Variants in TRIM62 observed in about 807,000 individuals in gnomAD.
TRIM62 encodes tripartite motif containing 62.
TRIM62 carries 39 observed loss-of-function variants against 44.2 expected under a neutral mutation model. The ratio of observed to expected loss-of-function variants is 0.88; its 90% CI spans 0.68 to 1.15. TRIM62 has a LOEUF of 1.15. Ranked by LOEUF, TRIM62 falls within the 50% of genes most tolerant of loss-of-function variation. TRIM62 has a pLI of 0.00. For missense variants in TRIM62, 544 were observed against 665.5 expected (o/e 0.82, Z 2.01); for synonymous variants, 278 against 292.3 (o/e 0.95, Z 0.50).
chr1:33,156,835 T>A (rs1186208085), intron 4 of TRIM62, among the ~76,000 whole-genome samples: 1 of 152,018 alleles, frequency 6.6e-6, no homozygotes, highest in Non-Finnish European at 1.5e-5. Context: ...ATAATTACTA[T>A]CTCCCTCGTC....
rs566851600 is a variant in TRIM62, at chr1:33,180,316, C to T, written c.408+709G>A. ...CAAATCTTTACCTTTAAGTCCTGGC[C>T]CCACTCAACCTGGCCTCTACTCTGG... On this transcript the variant is annotated intron_variant, in intron 1 of 4. Coordinates refer to ENST00000291416, the MANE Select transcript of TRIM62 (RefSeq NM_018207.3). 5.9e-5 allele frequency among the ~76,000 whole-genome samples: 9 copies of T among 152,152 alleles called. No homozygotes were observed. In the South Asian group the frequency reaches 1.9e-3, roughly 32 times the overall value.
chr1:33,146,806 A>G lies in TRIM62; in HGVS notation c.*371T>C, dbSNP rs1011660954. The G allele has an allele frequency of 1.7e-4, 49 of 289,518 alleles. 1 individual carries two copies. Among genetic ancestry groups the G allele is most frequent in the South Asian group, 1.7e-3 (38 of 22,606 alleles). The allele number at this position is 289,518 out of a possible 1,614,324, so 17.9% of individuals were successfully genotyped here. Reference sequence around the variant, plus strand: ...GTGCTGTGTGTCTTTCGGGCTGCCAACTACTGGCCATGCTCTGACACTTCC... The same window carrying G: ...GTGCTGTGTGTCTTTCGGGCTGCCAGCTACTGGCCATGCTCTGACACTTCC... On this transcript the variant is annotated 3_prime_UTR_variant, in exon 5 of 5. Coordinates refer to ENST00000291416, the MANE Select transcript of TRIM62 (RefSeq NM_018207.3).
intron 4 of TRIM62, among the ~76,000 whole-genome samples, chr1:33,148,678 A>G (rs1447947078): frequency 6.6e-6 from 1 of 152,236 alleles, no homozygotes. Flanking sequence ...GTATCTATGT[A>G]CATATACACA....
At chr1:33,176,273 C>T in intron 1 of TRIM62, 1 of 501,144 alleles carries the variant, frequency 2.0e-6, no homozygotes, top group Non-Finnish European at 3.7e-6. Context: ...TTCTTACTTC[C>T]ATTTCTCAGA....
intron 1 of TRIM62, chr1:33,176,289 T>C: frequency 1.8e-6 from 1 of 561,684 alleles, no homozygotes. Context: ...TCAGATTGGG[T>C]AAGAGGGTGT....
chr1:33,147,500 G>A lies in TRIM62; in HGVS notation c.1105C>T (p.His369Tyr), dbSNP rs201458914. 1 of 1,613,170 alleles carries A rather than the reference G, an allele frequency of 6.2e-7. No individual in the cohort carries two copies. Among genetic ancestry groups the A allele is most frequent in the Non-Finnish European group, 8.5e-7 (1 of 1,179,870 alleles). The change falls in exon 5 of 5, where the codon CAC (histidine) becomes TAC (tyrosine). Residue 369 changes from histidine (H) to tyrosine (Y), a missense_variant. Coordinates refer to ENST00000291416, the MANE Select transcript of TRIM62 (RefSeq NM_018207.3). The surrounding 1 kb of genome is among the most constrained non-coding windows in gnomAD (Gnocchi z 8.1). Reference protein sequence around the residue: ...EKTQWVIGLAHEAASRKGSIQ... With the variant: ...EKTQWVIGLAYEAASRKGSIQ... The stretch of plus-strand genomic sequence containing the variant: ...CTGCCCTTGCGGCTTGCGGCTTCGT[G>A]TGCCAGCCCGATCACCCACTGGGTC...
chr1:33,158,077 T>C (rs1645205584), intron 4 of TRIM62, among the ~76,000 whole-genome samples, 176 bp downstream of exon 4: 1 of 152,134 alleles, frequency 6.6e-6, no homozygotes, highest in South Asian at 2.1e-4. Context: ...GTTATGAAGG[T>C]CCACTGAGCT....
At chr1:33,155,134 C>T (rs1471853683) in intron 4 of TRIM62, among the ~76,000 whole-genome samples, 19 of 147,998 alleles carry the variant, frequency 1.3e-4, no homozygotes, top group African/African-American at 3.7e-4. Flanking sequence ...TGCAGTGGCG[C>T]GATCTCGGCT....
At position 33,147,046 on chromosome 1, in the gene TRIM62, G is replaced by A. The variant is rs1247326516; in HGVS notation, c.*131C>T. On this transcript the variant is annotated 3_prime_UTR_variant, in exon 5 of 5. Coordinates refer to ENST00000291416, the MANE Select transcript of TRIM62 (RefSeq NM_018207.3). This position sits in a 1 kb window ranked among gnomAD's most constrained non-coding sequence, Gnocchi z 8.1. ...GCAACCTCCATTTTACAGACTGGAGGCTGGAGGGTAAACAACTGGCCTGAG... is the reference window on the plus strand; with the variant it reads ...GCAACCTCCATTTTACAGACTGGAGACTGGAGGGTAAACAACTGGCCTGAG... 1.1e-6 allele frequency: 1 copy of A among 908,594 alleles called. No homozygotes were observed. The highest frequency in any genetic ancestry group is 1.7e-6 in the Non-Finnish European group (1 of 595,110). The allele number at this position is 908,594 out of a possible 1,614,324, so 56.3% of individuals were successfully genotyped here. A position where few individuals can be genotyped will look rare whatever the true frequency, so the allele number is the denominator to read the frequency against.
intron 1 of TRIM62, among the ~76,000 whole-genome samples, chr1:33,176,877 G>A (rs1386270316): frequency 6.6e-6 from 1 of 152,210 alleles, no homozygotes; most frequent in Non-Finnish European, 1.5e-5. Flanking sequence ...GGTAATGCAA[G>A]AAAAGCCCTT....
At chr1:33,180,091 T>C (rs1645449291) in intron 1 of TRIM62, among the ~76,000 whole-genome samples, 2 of 152,048 alleles carry the variant, frequency 1.3e-5, no homozygotes, top group Non-Finnish European at 2.9e-5. Context: ...AGTTTGTCAG[T>C]GAAGACAGGA....
rs1447945529 is a variant in TRIM62, at chr1:33,159,956, A to G, written c.505-12T>C. The G allele has an allele frequency of 6.9e-6, 11 of 1,598,634 alleles. No individual in the cohort carries two copies. The highest frequency in any genetic ancestry group is 9.3e-6 in the Non-Finnish European group (11 of 1,177,294). ...CTCTTGGTGGAAGACTGTGGGGGAC[A>G]GTCGTCAGGGGTTATGGCTGGGGGA... On this transcript the variant is annotated splice_polypyrimidine_tract_variant and intron_variant, in intron 2 of 4. Coordinates refer to ENST00000291416, the MANE Select transcript of TRIM62 (RefSeq NM_018207.3). The surrounding 1 kb of genome is among the most constrained non-coding windows in gnomAD (Gnocchi z 4.2).
At position 33,167,729 on chromosome 1, in the gene TRIM62, G is replaced by C. The variant is rs1015412949; in HGVS notation, c.409-2163C>G. 3.9e-5 allele frequency among the ~76,000 whole-genome samples: 6 copies of C among 152,194 alleles called. No individual in the cohort carries two copies. Among genetic ancestry groups the C allele is most frequent in the Non-Finnish European group, 8.8e-5 (6 of 68,044 alleles). On this transcript the variant is annotated intron_variant, in intron 1 of 4. Coordinates refer to ENST00000291416, the MANE Select transcript of TRIM62 (RefSeq NM_018207.3). This position sits in a 1 kb window ranked among gnomAD's most constrained non-coding sequence, Gnocchi z 4.2. The stretch of plus-strand genomic sequence containing the variant: ...CATCCACCTCCCTCCCACTCATTCA[G>C]CTTGTCAGACCAGGGAGGGCCTTGG...
At chr1:33,166,822 A>G (rs896676752) in intron 1 of TRIM62, among the ~76,000 whole-genome samples, 1 of 152,228 alleles carries the variant, frequency 6.6e-6, no homozygotes, top group African/African-American at 2.4e-5. Flanking sequence ...CTCAGGTTCC[A>G]GTGTGGCTCA....
chr1:33,178,720 A>G (rs949011011), intron 1 of TRIM62, among the ~76,000 whole-genome samples: 2 of 152,256 alleles, frequency 1.3e-5, no homozygotes, highest in African/African-American at 4.8e-5. Context: ...TGCCCACAGC[A>G]GGTTTGGAAC....
rs914218904 is a variant in TRIM62 at position 33,177,110 on chromosome 1, C to T, written c.408+3915G>A. Among the ~76,000 whole-genome samples, 1 of 151,628 alleles carries T rather than the reference C, an allele frequency of 6.6e-6. No homozygotes were observed. The highest frequency in any genetic ancestry group is 2.4e-5 in the African/African-American group (1 of 41,272). On this transcript the variant is annotated intron_variant, in intron 1 of 4. Coordinates refer to ENST00000291416, the MANE Select transcript of TRIM62 (RefSeq NM_018207.3). The surrounding 1 kb of genome is among the most constrained non-coding windows in gnomAD (Gnocchi z 4.1). Reference sequence around the variant, plus strand: ...GCACAAATGCACACACATGCACACACACATGCATGTACGCATGCACACACA... The same window carrying T: ...GCACAAATGCACACACATGCACACATACATGCATGTACGCATGCACACACA...
At chr1:33,151,478 A>T (rs1645097427) in intron 4 of TRIM62, among the ~76,000 whole-genome samples, 1 of 152,074 alleles carries the variant, frequency 6.6e-6, no homozygotes, top group Admixed American at 6.5e-5. Context: ...TAGGGCTAAC[A>T]GGAGTAACAA....
Position 33,165,475 on chromosome 1 carries a change from G to T in TRIM62, c.500C>A (p.Thr167Asn). The part of the protein sequence containing the change: ...LQLLKRQLAE[T>N]KSSTKSLRTT... ...CCGCGCCCCGGCCAGGCTCACCTTG[G>T]TCTCCGCCAGTTGTCGCTTGAGCAG... Residue 167 changes from threonine (T) to asparagine (N), a missense_variant, in exon 2 of 5, where the codon ACC (threonine) becomes AAC (asparagine). Coordinates refer to ENST00000291416, the MANE Select transcript of TRIM62 (RefSeq NM_018207.3). The surrounding 1 kb of genome is among the most constrained non-coding windows in gnomAD (Gnocchi z 4.0). The T allele has an allele frequency of 6.2e-7, 1 of 1,601,156 alleles. No individual in the cohort carries two copies.
chr1:33,177,067 GCA>G lies in TRIM62; in HGVS notation c.408+3956_408+3957del, dbSNP rs10535508. On this transcript the variant is annotated intron_variant, in intron 1 of 4. Coordinates refer to ENST00000291416, the MANE Select transcript of TRIM62 (RefSeq NM_018207.3). This position sits in a 1 kb window ranked among gnomAD's most constrained non-coding sequence, Gnocchi z 4.1. ...CACACACACGCACACACACACACAT[GCA>G]CACACACACATGCATGCACAAATGC... Among the ~76,000 whole-genome samples, 18 of 150,758 alleles carry G rather than the reference GCA, an allele frequency of 1.2e-4. No individual in the cohort carries two copies. Among genetic ancestry groups the G allele is most frequent in the Admixed American group, 2.6e-4 (4 of 15,164 alleles).
Sources: allele counts gnomAD v4.1 joint callset (sites outside exome capture counted in the v4.1 genomes callset), GRCh38; gene constraint gnomAD v4.1.1; non-coding constraint Gnocchi (gnomAD v3.1); transcripts MANE v1.5; gene names NCBI Gene and HGNC (gene_info 2026-07-23, HGNC 2026-07-21).